HEPHL1: variants seen among roughly 807,000 people sequenced by gnomAD.
HEPHL1 encodes ferroxidase HEPHL1.
A neutral mutation model predicts 122.0 loss-of-function variants in HEPHL1; 123 were observed. The ratio of observed to expected loss-of-function variants is 1.01; its 90% CI spans 0.87 to 1.17. The LOEUF is 1.17. HEPHL1 is among the 50% of genes most tolerant of loss of function. HEPHL1 has a pLI of 0.00. For synonymous variants in HEPHL1, 527 were observed against 508.9 expected (o/e 1.04, Z -0.48); for missense variants, 1,452 against 1,430.5 (o/e 1.01, Z -0.24).
At position 94,111,704 on chromosome 11, in the gene HEPHL1, A is replaced by T. The variant is rs1187555744; in HGVS notation, c.3290A>T (p.Lys1097Ile). 6.2e-7 allele frequency: 1 copy of T among 1,611,766 alleles called. No individual in the cohort carries two copies. The highest frequency in any genetic ancestry group is 2.2e-5 in the East Asian group (1 of 44,846). ...ATCTTTTTCACAGAACGACCTGGCA[A>T]AGAGCAGCTCTATTTCTTTGGCAAG... is the stretch of plus-strand genomic sequence containing the variant. ...ATVPSNERPG[K>I]EQLYFFGKNL... is the part of the protein sequence containing the mutation. The change falls in exon 20 of 20, where the codon AAA becomes ATA. Residue 1097 changes from lysine to isoleucine, a missense_variant. By Grantham distance (102) the Lys-to-Ile change is moderately radical (BLOSUM62 -3). Transcript: ENST00000315765.
At chr11:94,090,175 A>G (rs1946255072) in intron 12 of HEPHL1, among the ~76,000 whole-genome samples, 1 of 151,958 alleles carries the variant, frequency 6.6e-6, no homozygotes, top group African/African-American at 2.4e-5. Context: ...TCACTAACCT[A>G]TTTGTTAGGC....
Position 94,034,064 on chromosome 11 carries a change from G to A in HEPHL1, c.171-11609G>A, listed in dbSNP as rs542498495. Among the ~76,000 whole-genome samples, 10 of 152,342 alleles carry A rather than the reference G, an allele frequency of 6.6e-5. No homozygotes were observed. The South Asian group carries it at 2.1e-3, about 32-fold the overall frequency. ...AAGGACATGGTGTGTACCAAGAAGA[G>A]AGTGTCTGATCTGGCAGAAGCATGG... On this transcript the variant is annotated intron_variant, in intron 1 of 19. Transcript: ENST00000315765.
chr11:94,091,999 A>G (rs1297138336), intron 12 of HEPHL1, among the ~76,000 whole-genome samples: 1 of 152,208 alleles, frequency 6.6e-6, no homozygotes, highest in Non-Finnish European at 1.5e-5. Context: ...GTGGGAAATC[A>G]TAAAAAGGCT....
rs1345555800 is a variant in HEPHL1, at chr11:94,112,138, T to TCAA, written c.*246_*248dup. On this transcript the variant is annotated 3_prime_UTR_variant, in exon 20 of 20. Transcript: ENST00000315765. ...AGGAGAATGGGCATGGCTGAGAATG[T>TCAA]CAACTCTTAGTCTATTCTTTGGTTG... is the stretch of plus-strand genomic sequence containing the variant. 9 of 346,832 alleles carry TCAA rather than the reference T, an allele frequency of 2.6e-5. No individual in the cohort carries two copies. The Admixed American group carries it at 3.6e-4, about 14-fold the overall frequency. 21.5% of individuals were successfully genotyped at this position (346,832 alleles called of 1,614,324 possible). A position where few individuals can be genotyped will look rare whatever the true frequency, so the allele number is the denominator to read the frequency against.
Position 94,024,222 on chromosome 11 carries a change from T to C in HEPHL1, c.170+2684T>C, listed in dbSNP as rs114938790. Among the ~76,000 whole-genome samples, 442 of 152,272 alleles carry C rather than the reference T, an allele frequency of 2.9e-3. 2 individuals are homozygous for C. The highest frequency in any genetic ancestry group is 9.7e-3 in the African/African-American group (404 of 41,538). On this transcript the variant is annotated intron_variant, in intron 1 of 19. Coordinates refer to ENST00000315765, the MANE Select transcript of HEPHL1 (RefSeq NM_001098672.2). ...CACCATGAATGGAAAGAACCTGAAATAGAAATCCAGAGACCTAACTTCTAA... is the reference window on the plus strand; with the variant it reads ...CACCATGAATGGAAAGAACCTGAAACAGAAATCCAGAGACCTAACTTCTAA...
chr11:94,069,386 G>T (rs1427465313), intron 5 of HEPHL1, among the ~76,000 whole-genome samples: 1 of 152,092 alleles, frequency 6.6e-6, no homozygotes, highest in African/African-American at 2.4e-5. Context: ...CTTTCAAAGT[G>T]CTGGGATTAT....
At chr11:94,047,062 T>A (rs1945846236) in intron 2 of HEPHL1, among the ~76,000 whole-genome samples, 1 of 152,208 alleles carries the variant, frequency 6.6e-6, no homozygotes, top group Admixed American at 6.5e-5. Context: ...AACACACAAC[T>A]GGGATTGCCC....
At chr11:94,072,922 G>A in intron 6 of HEPHL1, 103 bp from the exon 7 acceptor site, 1 of 1,053,248 alleles carries the variant, frequency 9.5e-7, no homozygotes, top group Non-Finnish European at 1.4e-6. Context: ...CTGGGGACAT[G>A]GGTGGGCGAG....
At chr11:94,022,923 G>A (rs1369902629) in intron 1 of HEPHL1, among the ~76,000 whole-genome samples, 3 of 152,210 alleles carry the variant, frequency 2.0e-5, no homozygotes, top group South Asian at 2.1e-4. Flanking sequence ...AATGAATATA[G>A]CGTTTAAGCT....
chr11:94,061,742 A>G (rs1367074944), intron 2 of HEPHL1, among the ~76,000 whole-genome samples: 4 of 152,206 alleles, frequency 2.6e-5, no homozygotes, highest in Non-Finnish European at 5.9e-5. Flanking sequence ...AAAATGTAAG[A>G]AATTGTTTTA....
At position 94,078,446 on chromosome 11, in the gene HEPHL1, C is replaced by CATATATATATATATAT. The variant is rs6144452; in HGVS notation, c.1716+3076_1716+3091dup. Among the ~76,000 whole-genome samples, 684 of 111,286 alleles carry CATATATATATATATAT rather than the reference C, an allele frequency of 6.1e-3. 22 individuals carry two copies. The highest frequency in any genetic ancestry group is 7.3e-3 in the East Asian group (29 of 3,986). 73.0% of individuals were successfully genotyped at this position (111,286 alleles called of 152,430 possible). A position where few individuals can be genotyped will look rare whatever the true frequency, so the allele number is the denominator to read the frequency against. ...GACACCAGCCACTACTCAGATGTTC[C>CATATATATATATATAT]ATATATATATATATATATATATATA... On this transcript the variant is annotated intron_variant, in intron 9 of 19. Coordinates refer to ENST00000315765, the MANE Select transcript of HEPHL1 (RefSeq NM_001098672.2).
chr11:94,060,484 A>C (rs1188210891), intron 2 of HEPHL1, among the ~76,000 whole-genome samples: 1 of 152,182 alleles, frequency 6.6e-6, no homozygotes, highest in East Asian at 1.9e-4. Context: ...TATAGATATC[A>C]TATCCTACAA....
intron 1 of HEPHL1, among the ~76,000 whole-genome samples, chr11:94,043,382 C>G (rs894266373): frequency 2.0e-5 from 3 of 152,124 alleles, no homozygotes; most frequent in Non-Finnish European, 4.4e-5. Flanking sequence ...ATTTAACCAA[C>G]GAGACACTCT....
In HEPHL1 at chr11:94,101,282, G is replaced by T. The variant is rs369581710; in HGVS notation, c.2522G>T (p.Gly841Val). Residue 841 changes from glycine to valine, a missense_variant, in exon 14 of 20, where the codon GGT (glycine) becomes GTT (valine). Physicochemically the swap from Gly to Val is moderately radical, Grantham distance 109. Coordinates refer to ENST00000315765, the MANE Select transcript of HEPHL1 (RefSeq NM_001098672.2). ...ASRPYSISAQGVEEMDSGKQF... is the reference protein window; with the variant it reads ...ASRPYSISAQVVEEMDSGKQF... Reference sequence around the variant, plus strand: ...AGGCCCTACTCCATCTCAGCCCAGGGTGTGGAGGAGATGGATAGTGGAAAG... The same window carrying T: ...AGGCCCTACTCCATCTCAGCCCAGGTTGTGGAGGAGATGGATAGTGGAAAG... The T allele has an allele frequency of 6.2e-7, 1 of 1,613,798 alleles. No individual in the cohort carries two copies. The highest frequency in any genetic ancestry group is 1.7e-5 in the Admixed American group (1 of 59,994).
Position 94,067,527 on chromosome 11 carries a change from G to A in HEPHL1, c.840G>A (p.Pro280=), listed in dbSNP as rs369765266. 7.7e-5 allele frequency: 124 copies of A among 1,613,416 alleles called. No homozygotes were observed. Among genetic ancestry groups the A allele is most frequent in the Admixed American group, 1.5e-4 (9 of 59,962 alleles). ...ATGGATACCTCTTCGGAAACTTCCCGGAGCCTGATATGTGTGTTGGAGAAT... is the reference window on the plus strand; with the variant it reads ...ATGGATACCTCTTCGGAAACTTCCCAGAGCCTGATATGTGTGTTGGAGAAT... ...ALNGYLFGNF[P]EPDMCVGESV... is the part of the protein sequence containing the mutation. The change falls in exon 5 of 20, where the codon CCG becomes CCA. Residue 280 remains proline (P), a synonymous_variant. Coordinates refer to ENST00000315765, the MANE Select transcript of HEPHL1 (RefSeq NM_001098672.2).
At chr11:94,088,090 T>C (rs1322937881) in intron 11 of HEPHL1, among the ~76,000 whole-genome samples, 1 of 152,200 alleles carries the variant, frequency 6.6e-6, no homozygotes, top group Non-Finnish European at 1.5e-5. Flanking sequence ...CCAATGCATC[T>C]AGAAAATTCA....
chr11:94,054,651 G>T (rs1945920430), intron 2 of HEPHL1, among the ~76,000 whole-genome samples: 1 of 152,180 alleles, frequency 6.6e-6, no homozygotes, highest in South Asian at 2.1e-4. Context: ...CGATAGGATG[G>T]AGGCTACATG....
intron 13 of HEPHL1, among the ~76,000 whole-genome samples, chr11:94,097,219 T>G (rs762176353): frequency 2.0e-5 from 3 of 152,252 alleles, no homozygotes; most frequent in Non-Finnish European, 4.4e-5. Flanking sequence ...GTATGTTGTG[T>G]CTTTGTTCTC....
intron 15 of HEPHL1, among the ~76,000 whole-genome samples, chr11:94,104,276 C>A (rs1027561914): frequency 3.9e-5 from 6 of 152,022 alleles, no homozygotes; most frequent in Non-Finnish European, 7.4e-5. Context: ...GGCTCACAGA[C>A]CTGCAAGGGT....
Sources: gnomAD v4.1 joint callset for allele counts (sites outside exome capture counted in the v4.1 genomes callset) on GRCh38, gnomAD v4.1.1 for gene constraint, MANE v1.5 for transcripts, NCBI Gene and HGNC (gene_info 2026-07-23, HGNC 2026-07-21) for gene names.